NRCAM: variants seen among roughly 807,000 people sequenced by gnomAD.
NRCAM encodes neuronal cell adhesion molecule.
NRCAM carries 83 observed loss-of-function variants against 156.5 expected under a neutral mutation model. That is an observed-to-expected ratio of 0.53 (90% CI 0.44 to 0.64). The LOEUF (loss-of-function observed/expected upper bound fraction) is 0.64. Ranked by LOEUF, NRCAM falls within the 30% of genes least tolerant of loss-of-function variation. The pLI, the probability that NRCAM is intolerant of heterozygous loss-of-function variation, is 0.00. For synonymous variants in NRCAM, 538 were observed against 563.9 expected, an observed-to-expected ratio of 0.95 and a Z score of 0.65; for missense variants, 1,417 against 1,597.3, an observed-to-expected ratio of 0.89 and a Z score of 1.92.
chr7:108,147,814 G>A lies in NRCAM; in HGVS notation c.*2096C>T, dbSNP rs1376535227. On this transcript the variant is annotated 3_prime_UTR_variant, in exon 33 of 33. Transcript: ENST00000379028. ...ACATTTAATTTTTAATACCAAATCTGTTGCACTATTACAGAAGTGACCCTT... is the reference window on the plus strand; with the variant it reads ...ACATTTAATTTTTAATACCAAATCTATTGCACTATTACAGAAGTGACCCTT... 1 of 152,600 alleles carries A rather than the reference G, an allele frequency of 6.6e-6. No individual in the cohort carries two copies. The highest frequency in any genetic ancestry group is 2.4e-5 in the African/African-American group (1 of 41,444). The allele number at this position is 152,600 out of a possible 1,614,324, so 9.5% of individuals were successfully genotyped here. A position where few individuals can be genotyped will look rare whatever the true frequency, so the allele number is the denominator to read the frequency against.
intron 23 of NRCAM, among the ~76,000 whole-genome samples, 191 bp from the exon 24 acceptor site, chr7:108,182,128 T>C (rs778331406): frequency 2.1e-4 from 32 of 151,982 alleles, no homozygotes; most frequent in Non-Finnish European, 4.4e-4. Context: ...AGAGATGGCA[T>C]CTTGCTATGT....
chr7:108,195,297 TA>T (rs2074355900), intron 15 of NRCAM, among the ~76,000 whole-genome samples: 1 of 152,198 alleles, frequency 6.6e-6, no homozygotes, highest in Admixed American at 6.5e-5. Flanking sequence ...CAGTAGTTAA[TA>T]AATATTTGTG....
chr7:108,248,977 G>A (rs1398687674), intron 3 of NRCAM, among the ~76,000 whole-genome samples: 1 of 152,026 alleles, frequency 6.6e-6, no homozygotes, highest in Non-Finnish European at 1.5e-5. Context: ...TGATGATGAT[G>A]ATGGGCTGTG....
chr7:108,225,669 A>C lies in NRCAM; in HGVS notation c.754T>G (p.Leu252Val), dbSNP rs1288944960. 2 of 1,600,556 alleles carry C rather than the reference A, an allele frequency of 1.2e-6. No individual in the cohort carries two copies. The highest frequency in any genetic ancestry group is 1.1e-5 in the South Asian group (1 of 90,794). The change falls in exon 10 of 33, where the codon TTG becomes GTG. Residue 252 changes from leucine (L) to valine (V), a missense_variant. Physicochemically the swap from Leu to Val is conservative, Grantham distance 32. This residue lies in a region of NRCAM where 1,238 missense variants were observed against 1,336.4 expected (regional missense o/e 0.93). Coordinates refer to ENST00000379028, the MANE Select transcript of NRCAM (RefSeq NM_001037132.4). ...CCACCATAAAACTCAGTGTCACTCA[A>C]ATTAGCAGCTATAGTGTCATTCAAT... ...DELNDTIAAN[L>V]SDTEFYGAKS...
intron 3 of NRCAM, among the ~76,000 whole-genome samples, chr7:108,248,791 G>C (rs574424159): frequency 6.6e-6 from 1 of 152,148 alleles, no homozygotes; most frequent in African/African-American, 2.4e-5. Flanking sequence ...AGAGAGTCTG[G>C]GAAATGCTGG....
At chr7:108,392,616 G>C (rs555762485) in intron 2 of NRCAM, among the ~76,000 whole-genome samples, 1 of 152,292 alleles carries the variant, frequency 6.6e-6, no homozygotes, top group Admixed American at 6.5e-5. Context: ...TGCTGGCAAG[G>C]AGCTGTGTTC....
chr7:108,407,676 G>A (rs2099810922), intron 1 of NRCAM, among the ~76,000 whole-genome samples: 1 of 152,196 alleles, frequency 6.6e-6, no homozygotes, highest in Non-Finnish European at 1.5e-5. Context: ...TGCTTACCCA[G>A]CTCATGATTT....
chr7:108,430,553 G>A (rs576260957), intron 1 of NRCAM, among the ~76,000 whole-genome samples: 6 of 152,188 alleles, frequency 3.9e-5, no homozygotes, highest in Non-Finnish European at 8.8e-5. Flanking sequence ...GCAAGTCCAG[G>A]CTGGGGAGAA....
At chr7:108,430,673 G>C (rs1041492438) in intron 1 of NRCAM, among the ~76,000 whole-genome samples, 2 of 152,092 alleles carry the variant, frequency 1.3e-5, no homozygotes, top group African/African-American at 4.8e-5. Flanking sequence ...AAAATAATTA[G>C]CTATGTACAC....
At chr7:108,192,949 A>G (rs1231534075) in intron 17 of NRCAM, among the ~76,000 whole-genome samples, 1 of 152,222 alleles carries the variant, frequency 6.6e-6, no homozygotes, top group Non-Finnish European at 1.5e-5. Flanking sequence ...GAAACTGCCT[A>G]AGTCATAAAC....
chr7:108,202,619 G>T (rs900484303), intron 13 of NRCAM, among the ~76,000 whole-genome samples: 2 of 152,158 alleles, frequency 1.3e-5, no homozygotes, highest in African/African-American at 4.8e-5. Context: ...CCCTACAAGA[G>T]GATGCCACTG....
At chr7:108,310,308 G>A (rs2098784873) in intron 3 of NRCAM, among the ~76,000 whole-genome samples, 1 of 152,178 alleles carries the variant, frequency 6.6e-6, no homozygotes, top group African/African-American at 2.4e-5. Flanking sequence ...CCTCACTCTG[G>A]TTGATTATCA....
chr7:108,378,694 C>T (rs2099687562), intron 2 of NRCAM, among the ~76,000 whole-genome samples: 1 of 140,832 alleles, frequency 7.1e-6, no homozygotes, highest in Non-Finnish European at 1.6e-5. Context: ...CACACAAACT[C>T]CAAGACACAC....
At chr7:108,320,371 T>C (rs2098986513) in intron 2 of NRCAM, among the ~76,000 whole-genome samples, 1 of 151,962 alleles carries the variant, frequency 6.6e-6, no homozygotes, top group Non-Finnish European at 1.5e-5. Flanking sequence ...GAGGCGAGGA[T>C]TGCTTGAGTC....
chr7:108,184,944 A>G (rs921469367), intron 20 of NRCAM, among the ~76,000 whole-genome samples: 1 of 151,876 alleles, frequency 6.6e-6, no homozygotes, highest in African/African-American at 2.4e-5. Context: ...GATTTTACCA[A>G]ATCTGGTATT....
intron 4 of NRCAM, among the ~76,000 whole-genome samples, chr7:108,238,579 C>A (rs1383356428): frequency 6.6e-6 from 1 of 152,074 alleles, no homozygotes; most frequent in Non-Finnish European, 1.5e-5. Context: ...TTGAGTTAGC[C>A]ATAGGTGACT....
intron 3 of NRCAM, among the ~76,000 whole-genome samples, chr7:108,251,174 C>A (rs2153898374): frequency 6.6e-6 from 1 of 151,844 alleles, no homozygotes; most frequent in Admixed American, 6.6e-5. Flanking sequence ...ATATTTGTAC[C>A]CTCCGGAAAG....
At chr7:108,300,188 T>TA (rs2098567102) in intron 3 of NRCAM, among the ~76,000 whole-genome samples, 1 of 139,096 alleles carries the variant, frequency 7.2e-6, no homozygotes, top group South Asian at 2.3e-4. Context: ...TTTTTTTTTT[T>TA]TACAAAAGAG....
At chr7:108,299,191 G>A (rs1242639407) in intron 3 of NRCAM, among the ~76,000 whole-genome samples, 1 of 148,186 alleles carries the variant, frequency 6.7e-6, no homozygotes, top group Non-Finnish European at 1.5e-5. Context: ...GGACGCAAAG[G>A]GGCCAGGGAA....
Sources: gnomAD v4.1 joint callset for allele counts (sites outside exome capture counted in the v4.1 genomes callset) on GRCh38, gnomAD v4.1.1 for gene constraint, gnomAD v4.1.1 regional missense constraint, MANE v1.5 for transcripts, NCBI Gene and HGNC (gene_info 2026-07-23, HGNC 2026-07-21) for gene names.